Variants in MYOM1 observed in about 807,000 individuals in gnomAD.
MYOM1 encodes myomesin 1, also known as myomesin-1.
Under a neutral mutation model 205.3 loss-of-function variants are expected in MYOM1, and 164 were observed. The observed-to-expected ratio is 0.80, with a 90% confidence interval of 0.70 to 0.91. MYOM1 has a LOEUF of 0.91. Ranked by LOEUF, MYOM1 falls within the 40% of genes least tolerant of loss-of-function variation. The pLI is 0.00. For synonymous variants in MYOM1, 772 were observed against 789.4 expected, an observed-to-expected ratio of 0.98 and a Z score of 0.37; for missense variants, 2,011 against 2,127.3, an observed-to-expected ratio of 0.95 and a Z score of 1.08.
intron 2 of MYOM1, 137 bp from the exon 3 acceptor site, chr18:3,194,095 T>C (rs967131274): frequency 1.1e-6 from 1 of 894,804 alleles, no homozygotes; most frequent in African/African-American, 1.7e-5. Flanking sequence ...CTCTTATCTT[T>C]AGAATTAAAG....
At chr18:3,119,746 G>A in intron 20 of MYOM1, 123 bp downstream of exon 20, 1 of 1,239,012 alleles carries the variant, frequency 8.1e-7, no homozygotes, top group Non-Finnish European at 1.1e-6. Context: ...TAAACACAAG[G>A]GGCCAAGAGA....
intron 9 of MYOM1, among the ~76,000 whole-genome samples, chr18:3,166,576 G>A (rs1228118281): frequency 1.3e-5 from 2 of 151,934 alleles, no homozygotes; most frequent in Admixed American, 6.6e-5. Flanking sequence ...CTGAGCCACC[G>A]TGCCCAGCTC....
chr18:3,215,744 T>A lies in MYOM1; in HGVS notation c.-28-493A>T, dbSNP rs564925520. Among the ~76,000 whole-genome samples the A allele has an allele frequency of 3.7e-3, 568 of 152,098 alleles. 4 individuals are homozygous for A. The highest frequency in any genetic ancestry group is 0.011 in the African/African-American group (453 of 41,500). ...CCCCTCCTGTCATTGTACCTTTTTT[T>A]AAAAAAAATTGTATCTAGGAGGTTT... is the stretch of plus-strand genomic sequence containing the variant. On this transcript the variant is annotated intron_variant, in intron 1 of 37. Coordinates refer to ENST00000356443, the MANE Select transcript of MYOM1 (RefSeq NM_003803.4).
Position 3,187,633 on chromosome 18 carries a change from T to C in MYOM1, c.776A>G (p.Glu259Gly), listed in dbSNP as rs752850247. ...CTTGGCATGATATGTCTCGGTTTCT[T>C]CTAACTGAAAAAACAAATATGCAAA... ...AERLSLRKTL[E>G]ETETYHAKLN... The change falls in exon 5 of 38, where the codon GAA (glutamate) becomes GGA (glycine). Residue 259 changes from glutamate (E) to glycine (G), a missense_variant. By Grantham distance (98) the Glu-to-Gly change is moderately conservative. Coordinates refer to ENST00000356443, the MANE Select transcript of MYOM1 (RefSeq NM_003803.4). The C allele has an allele frequency of 1.9e-5, 30 of 1,590,288 alleles. No individual in the cohort carries two copies. Among genetic ancestry groups the C allele is most frequent in the Non-Finnish European group, 2.3e-5 (27 of 1,163,342 alleles).
chr18:3,084,249 C>A (rs1555615300), intron 31 of MYOM1, among the ~76,000 whole-genome samples: 1 of 151,994 alleles, frequency 6.6e-6, no homozygotes, highest in Admixed American at 6.6e-5. Context: ...CCCTTGAATT[C>A]TTTGTCACAA....
chr18:3,203,041 A>G (rs895810863), intron 2 of MYOM1, among the ~76,000 whole-genome samples: 5 of 151,928 alleles, frequency 3.3e-5, no homozygotes, highest in African/African-American at 1.2e-4. Flanking sequence ...ATACTTTTAA[A>G]TAACCTATTG....
At chr18:3,096,005 T>C (rs1012847192) in intron 25 of MYOM1, among the ~76,000 whole-genome samples, 2 of 152,176 alleles carry the variant, frequency 1.3e-5, no homozygotes, top group African/African-American at 4.8e-5. Context: ...CCCAGAGTGA[T>C]GAGGGAGGAG....
Position 3,189,613 on chromosome 18 carries a change from G to A in MYOM1, c.432-526C>T, listed in dbSNP as rs2080877507. On this transcript the variant is annotated intron_variant, in intron 3 of 37. Coordinates refer to ENST00000356443, the MANE Select transcript of MYOM1 (RefSeq NM_003803.4). The surrounding 1 kb of genome is among the most constrained non-coding windows in gnomAD (Gnocchi z 4.8). The stretch of plus-strand genomic sequence containing the variant: ...GACCTGAGGTGATCCACCAGCCTTG[G>A]CCTCCCAAAGTGCTGGGATTACAGG... 2.0e-5 allele frequency among the ~76,000 whole-genome samples: 3 copies of A among 152,160 alleles called. No homozygotes were observed.
chr18:3,094,415 T>A, intron 25 of MYOM1, 109 bp from the exon 26 acceptor site: 1 of 1,133,022 alleles, frequency 8.8e-7, no homozygotes, highest in Admixed American at 2.9e-5. Context: ...GAAATGACAA[T>A]GTAGCACCTG....
At chr18:3,244,008 A>G in the MYOM1 span, among the ~76,000 whole-genome samples, 1 of 152,198 alleles carries the variant, frequency 6.6e-6, no homozygotes, top group South Asian at 2.1e-4. Context: ...ATTGATTGCT[A>G]TAAATATTGA....
Position 3,082,975 on chromosome 18 carries a change from C to T in MYOM1, c.4484+814G>A, listed in dbSNP as rs867965541. On this transcript the variant is annotated intron_variant, in intron 33 of 37. Transcript: ENST00000356443. ...TGGATTAGGCTTCTTTGGTGAATGC[C>T]CATTCATTCATATCATGGGAAATTT... Among the ~76,000 whole-genome samples the T allele has an allele frequency of 1.4e-4, 21 of 152,248 alleles. No homozygotes were observed. In the Middle Eastern group the frequency reaches 0.01, roughly 74 times the overall value.
chr18:3,180,524 G>A (rs2080714564), intron 5 of MYOM1, among the ~76,000 whole-genome samples: 1 of 152,148 alleles, frequency 6.6e-6, no homozygotes, highest in Admixed American at 6.5e-5. Flanking sequence ...AGGATTTGGG[G>A]CCTGTTCTGT....
At chr18:3,203,193 A>C (rs1032979457) in intron 2 of MYOM1, among the ~76,000 whole-genome samples, 1 of 151,194 alleles carries the variant, frequency 6.6e-6, no homozygotes, top group Non-Finnish European at 1.5e-5. Flanking sequence ...ATTAGAAAAG[A>C]AGATCTCAAA....
At chr18:3,071,103 GA>G (rs1222041548) in intron 37 of MYOM1, among the ~76,000 whole-genome samples, 2 of 151,628 alleles carry the variant, frequency 1.3e-5, no homozygotes, top group Admixed American at 6.6e-5. Flanking sequence ...TGTCACAGGG[GA>G]AAAAAATTAT....
At chr18:3,231,527 A>G in the MYOM1 span, among the ~76,000 whole-genome samples, 1 of 144,728 alleles carries the variant, frequency 6.9e-6, no homozygotes, top group Admixed American at 6.9e-5. Flanking sequence ...TCCCTAAAAT[A>G]TGCATCCTTT....
rs150240558 is a variant in MYOM1, at chr18:3,164,816, T to C, written c.1340-377A>G. Among the ~76,000 whole-genome samples, 96 of 152,368 alleles carry C rather than the reference T, an allele frequency of 6.3e-4. No individual in the cohort carries two copies. The South Asian group carries it at 0.01, about 16-fold the overall frequency. On this transcript the variant is annotated intron_variant, in intron 9 of 37. Coordinates refer to ENST00000356443, the MANE Select transcript of MYOM1 (RefSeq NM_003803.4). Reference sequence around the variant, plus strand: ...TGCAAAAAATCGTATTTTGGTGCCATAATTGTATATGCAATCAATAATAAT... The same window carrying C: ...TGCAAAAAATCGTATTTTGGTGCCACAATTGTATATGCAATCAATAATAAT...
chr18:3,172,501 G>C (rs764579919), intron 8 of MYOM1, among the ~76,000 whole-genome samples: 5 of 151,900 alleles, frequency 3.3e-5, no homozygotes, highest in Non-Finnish European at 7.4e-5. Context: ...CATAGGTTCA[G>C]AATTTCCAAC....
chr18:3,223,438 C>T (rs2144287229), upstream of MYOM1, among the ~76,000 whole-genome samples: 1 of 152,318 alleles, frequency 6.6e-6, no homozygotes, highest in African/African-American at 2.4e-5. Flanking sequence ...ATCCTTCCTA[C>T]TTCAGTGTTG....
At position 3,090,697 on chromosome 18, in the gene MYOM1, T is replaced by C; in HGVS notation, c.3970A>G (p.Lys1324Glu). Residue 1324 changes from lysine (K) to glutamate (E), a missense_variant, in exon 27 of 38, where the codon AAA becomes GAA. Transcript: ENST00000356443. Reference protein sequence around the residue: ...GTYTFQLQDGKATNHSTVVLV... With the variant: ...GTYTFQLQDGEATNHSTVVLV... ...ACAACAGTAGAATGGTTAGTTGCTT[T>C]TCCATCTTGAAGCTGGAAAGTGTAC... 6.2e-7 allele frequency: 1 copy of C among 1,614,016 alleles called. No individual in the cohort carries two copies.
Sources: allele counts gnomAD v4.1 joint callset (sites outside exome capture counted in the v4.1 genomes callset), GRCh38; gene constraint gnomAD v4.1.1; non-coding constraint Gnocchi (gnomAD v3.1); transcripts MANE v1.5; gene names NCBI Gene and HGNC (gene_info 2026-07-23, HGNC 2026-07-21).